Variants in FUT8 observed in about 807,000 individuals in gnomAD.
FUT8 encodes fucosyltransferase 8.
Under a neutral mutation model 71.3 loss-of-function variants are expected in FUT8, and 29 were observed. The ratio of observed to expected loss-of-function variants is 0.41; its 90% confidence interval spans 0.30 to 0.55. The LOEUF (loss-of-function observed/expected upper bound fraction) is 0.55, where lower values mean the gene tolerates loss of function less well. Among genes scored for constraint, FUT8 ranks in the 20% least tolerant of loss-of-function variants. The pLI is 0.34. For missense variants in FUT8, 544 were observed against 702.1 expected, an observed-to-expected ratio of 0.77 and a Z score of 2.55; for synonymous variants, 254 against 239.3, an observed-to-expected ratio of 1.06 and a Z score of -0.57.
intron 2 of FUT8, among the ~76,000 whole-genome samples, chr14:65,487,635 G>A (rs938256038): frequency 1.3e-5 from 2 of 150,734 alleles, no homozygotes; most frequent in Non-Finnish European, 2.9e-5. Flanking sequence ...TGGCTCTTGC[G>A]GCCTTTCTTC....
chr14:65,428,409 A>G (rs2065420658), intron 1 of FUT8, among the ~76,000 whole-genome samples: 1 of 152,160 alleles, frequency 6.6e-6, no homozygotes, highest in South Asian at 2.1e-4. Flanking sequence ...TGTCTTTACT[A>G]TTAAAGAGGC....
At chr14:65,644,371 A>G (rs1178004199) in intron 6 of FUT8, among the ~76,000 whole-genome samples, 5 of 151,620 alleles carry the variant, frequency 3.3e-5, no homozygotes, top group Non-Finnish European at 1.5e-5. Flanking sequence ...GCTCACTGCA[A>G]GCTCCACCTC....
intron 2 of FUT8, among the ~76,000 whole-genome samples, chr14:65,484,398 G>A (rs1346579766): frequency 6.6e-6 from 1 of 152,190 alleles, no homozygotes; most frequent in Admixed American, 6.5e-5. Flanking sequence ...TTACTGGGCT[G>A]AGGAAGTTTT....
At chr14:65,696,880 T>C (rs1019722222) in intron 7 of FUT8, among the ~76,000 whole-genome samples, 2 of 152,184 alleles carry the variant, frequency 1.3e-5, no homozygotes, top group African/African-American at 2.4e-5. Context: ...GTTTTTTTAT[T>C]TTTAGCATTT....
chr14:65,368,051 T>C, the FUT8 span, among the ~76,000 whole-genome samples: 2 of 4,760 alleles, frequency 4.2e-4, no homozygotes, highest in East Asian at 0.042. Flanking sequence ...GCAAAATTAC[T>C]TTTTTTTTTT....
intron 2 of FUT8, among the ~76,000 whole-genome samples, chr14:65,495,345 T>C (rs1352902015): frequency 2.6e-5 from 4 of 152,246 alleles, no homozygotes; most frequent in Middle Eastern, 6.8e-3. Flanking sequence ...TCAAGCAGAG[T>C]TTTCACTTTG....
intron 2 of FUT8, among the ~76,000 whole-genome samples, chr14:65,465,843 C>T (rs1037270341): frequency 6.6e-6 from 1 of 152,148 alleles, no homozygotes; most frequent in Non-Finnish European, 1.5e-5. Context: ...CTGCTTCTGT[C>T]AATTACCGAT....
At chr14:65,594,951 G>A (rs1205602686) in intron 3 of FUT8, among the ~76,000 whole-genome samples, 1 of 152,106 alleles carries the variant, frequency 6.6e-6, no homozygotes, top group Admixed American at 6.5e-5. Flanking sequence ...ATATTATTGA[G>A]AAACAACCAA....
chr14:65,496,049 G>A (rs919755847), intron 2 of FUT8, among the ~76,000 whole-genome samples: 9 of 152,040 alleles, frequency 5.9e-5, no homozygotes, highest in South Asian at 2.1e-4. Context: ...AAAAAATCAC[G>A]TTAAATAGAT....
the FUT8 span, among the ~76,000 whole-genome samples, chr14:65,364,307 C>G: frequency 6.6e-6 from 1 of 152,010 alleles, no homozygotes; most frequent in South Asian, 2.1e-4. Flanking sequence ...CGGGTTCAAG[C>G]AATTCTCTTG....
chr14:65,439,935 A>G (rs1249046760), intron 1 of FUT8, among the ~76,000 whole-genome samples: 1 of 91,212 alleles, frequency 1.1e-5, no homozygotes, highest in Non-Finnish European at 2.2e-5. Context: ...ATGGATAAAG[A>G]AAATGTGTGT....
intron 2 of FUT8, among the ~76,000 whole-genome samples, chr14:65,557,996 A>C (rs1885687143): frequency 2.6e-5 from 4 of 152,166 alleles, no homozygotes; most frequent in Admixed American, 2.6e-4. Flanking sequence ...TAAATGAAGA[A>C]AATAAGATAC....
At chr14:65,439,954 G>GTATACATATATATA (rs1555360999) in intron 1 of FUT8, among the ~76,000 whole-genome samples, 10 of 74,984 alleles carry the variant, frequency 1.3e-4, no homozygotes, top group Non-Finnish European at 2.5e-4. Context: ...GTGTGTGTGT[G>GTATACATATATATA]TATATATATA....
At chr14:65,386,653 C>T in the FUT8 span, among the ~76,000 whole-genome samples, 1 of 151,606 alleles carries the variant, frequency 6.6e-6, no homozygotes, top group Non-Finnish European at 1.5e-5. Context: ...CTTTGTCTAC[C>T]AATTTTATTT....
chr14:65,486,287 T>C (rs2066408742), intron 2 of FUT8, among the ~76,000 whole-genome samples: 1 of 152,224 alleles, frequency 6.6e-6, no homozygotes, highest in Non-Finnish European at 1.5e-5. Flanking sequence ...TTGGTTAAAA[T>C]AAACTACAGT....
intron 2 of FUT8, among the ~76,000 whole-genome samples, chr14:65,526,618 G>T (rs1883488845): frequency 6.6e-6 from 1 of 152,116 alleles, no homozygotes. Context: ...ATGTTAGCTG[G>T]TTATTTTGCT....
At chr14:65,435,877 G>T (rs2065549040) in intron 1 of FUT8, among the ~76,000 whole-genome samples, 1 of 139,664 alleles carries the variant, frequency 7.2e-6, no homozygotes, top group South Asian at 2.3e-4. Context: ...TCTTACAATT[G>T]ACTTTTGGTG....
intron 2 of FUT8, among the ~76,000 whole-genome samples, chr14:65,542,165 CGTT>C (rs963619029): frequency 3.3e-4 from 50 of 152,060 alleles, no homozygotes; most frequent in African/African-American, 1.1e-3. Flanking sequence ...TAAATGTAAT[CGTT>C]ATTATTATAC....
intron 1 of FUT8, among the ~76,000 whole-genome samples, chr14:65,441,982 G>A (rs2065665865): frequency 6.6e-6 from 1 of 151,868 alleles, no homozygotes; most frequent in Non-Finnish European, 1.5e-5. Flanking sequence ...GGTGTGTGAT[G>A]TTCCCCACCC....
Sources: gnomAD v4.1 joint callset for allele counts (sites outside exome capture counted in the v4.1 genomes callset) on GRCh38, gnomAD v4.1.1 for gene constraint, MANE v1.5 for transcripts, NCBI Gene and HGNC (gene_info 2026-07-23, HGNC 2026-07-21) for gene names.